ITGAM: variants seen among roughly 807,000 people sequenced by gnomAD.
ITGAM encodes the protein integrin alpha-M.
A neutral mutation model predicts 137.5 loss-of-function variants in ITGAM; 79 were observed. That is an observed-to-expected ratio of 0.57 (90% CI 0.48 to 0.69). The LOEUF (loss-of-function observed/expected upper bound fraction) is 0.69. Among genes scored for constraint, ITGAM ranks in the 30% least tolerant of loss-of-function variants. ITGAM has a pLI of 0.00. For missense variants in ITGAM, 1,343 were observed against 1,483.5 expected (o/e 0.91, Z 1.56); for synonymous variants, 583 against 592.3 (o/e 0.98, Z 0.23).
intron 2 of ITGAM, among the ~76,000 whole-genome samples, chr16:31,262,330 C>CCCTT (rs1275045684): frequency 6.7e-5 from 8 of 118,764 alleles, no homozygotes; most frequent in African/African-American, 1.0e-4. Flanking sequence ...TCCCTTCCCT[C>CCCTT]CCTTCCATCC....
chr16:31,329,911 C>G lies in ITGAM; in HGVS notation c.2976+6C>G. On this transcript the variant is annotated splice_donor_region_variant and intron_variant, in intron 25 of 29. Coordinates refer to ENST00000544665, the MANE Select transcript of ITGAM (RefSeq NM_000632.4). ...CCCAGGTCACCTTCTCCGAGGTGAG[C>G]GGAGCTCGGCCTGACTCCTGCACGG... 3 of 1,556,910 alleles carry G rather than the reference C, an allele frequency of 1.9e-6. No individual in the cohort carries two copies. Among genetic ancestry groups the G allele is most frequent in the Non-Finnish European group, 2.6e-6 (3 of 1,149,816 alleles).
chr16:31,296,130 A>G (rs777350193), intron 12 of ITGAM, among the ~76,000 whole-genome samples: 19 of 142,770 alleles, frequency 1.3e-4, no homozygotes, highest in Non-Finnish European at 1.8e-4. Context: ...TTTTTAACAG[A>G]GTCTCTCTGT....
chr16:31,291,524 A>G (rs2080086976), intron 12 of ITGAM, among the ~76,000 whole-genome samples: 1 of 152,084 alleles, frequency 6.6e-6, no homozygotes, highest in East Asian at 1.9e-4. Context: ...TTTTCGATAA[A>G]AGCCCTTTTA....
At chr16:31,304,617 T>C (rs539548593) in intron 14 of ITGAM, among the ~76,000 whole-genome samples, 4 of 152,296 alleles carry the variant, frequency 2.6e-5, no homozygotes, top group African/African-American at 9.6e-5. Context: ...CTTTGATCCA[T>C]CTTGAGTTGA....
intron 12 of ITGAM, among the ~76,000 whole-genome samples, chr16:31,296,154 G>T (rs2080131091): frequency 6.7e-6 from 1 of 149,342 alleles, no homozygotes; most frequent in Non-Finnish European, 1.5e-5. Flanking sequence ...GCCCAGGCTG[G>T]AGTGCAGTGG....
chr16:31,268,807 CTGGATTCTGCCAGAATCCT>C (rs934132983), intron 5 of ITGAM, among the ~76,000 whole-genome samples: 7 of 152,144 alleles, frequency 4.6e-5, no homozygotes, highest in African/African-American at 1.7e-4. Flanking sequence ...AACGGCATTC[CTGGATTCTGCCAGAATCCT>C]TTTGAGGCCC....
At chr16:31,284,957 A>G (rs370282377) in intron 12 of ITGAM, among the ~76,000 whole-genome samples, 2 of 152,196 alleles carry the variant, frequency 1.3e-5, no homozygotes, top group African/African-American at 4.8e-5. Context: ...AAAACCCCTC[A>G]GACACCGAGT....
chr16:31,321,232 T>C lies in ITGAM; in HGVS notation c.1708-9T>C, dbSNP rs1235578329. 2 of 1,613,732 alleles carry C rather than the reference T, an allele frequency of 1.2e-6. No individual in the cohort carries two copies. Among genetic ancestry groups the C allele is most frequent in the South Asian group, 1.1e-5 (1 of 91,072 alleles). Reference sequence around the variant, plus strand: ...CCTTTCTCTCTCCACACCTCTTTTTTACCCTCAGCGGATAGCAGGCTCCAA... The same window carrying C: ...CCTTTCTCTCTCCACACCTCTTTTTCACCCTCAGCGGATAGCAGGCTCCAA... On this transcript the variant is annotated splice_polypyrimidine_tract_variant and intron_variant, in intron 14 of 29. Coordinates refer to ENST00000544665, the MANE Select transcript of ITGAM (RefSeq NM_000632.4).
chr16:31,287,120 A>G (rs541478247), intron 12 of ITGAM, among the ~76,000 whole-genome samples: 2 of 151,998 alleles, frequency 1.3e-5, no homozygotes, highest in East Asian at 3.9e-4. Flanking sequence ...TTATCTCCAC[A>G]CTCTTTATTG....
intron 19 of ITGAM, 51 bp downstream of exon 19, chr16:31,325,082 C>A: frequency 1.3e-6 from 2 of 1,539,284 alleles, no homozygotes; most frequent in Non-Finnish European, 1.8e-6. Context: ...CGTACCATGA[C>A]CCGCTCTTTT....
chr16:31,330,299 G>C lies in ITGAM; in HGVS notation c.3061-9G>C. The C allele has an allele frequency of 1.2e-6, 2 of 1,611,006 alleles. No individual in the cohort carries two copies. The highest frequency in any genetic ancestry group is 8.5e-7 in the Non-Finnish European group (1 of 1,177,236). ...CCTTACCCGTCCCCTCCCCTCCTGC[G>C]TTCCCCAGAACTGCTCCATCGCTGT... On this transcript the variant is annotated splice_polypyrimidine_tract_variant and intron_variant, in intron 26 of 29. Coordinates refer to ENST00000544665, the MANE Select transcript of ITGAM (RefSeq NM_000632.4).
chr16:31,265,567 C>T, intron 3 of ITGAM, 69 bp downstream of exon 3: 1 of 1,060,546 alleles, frequency 9.4e-7, no homozygotes. Flanking sequence ...TCCAGGCACT[C>T]CTGTGTCCTG....
In ITGAM at chr16:31,310,555, T is replaced by G. The variant is rs376534949; in HGVS notation, c.1708-10686T>G. Among the ~76,000 whole-genome samples the G allele has an allele frequency of 2.0e-4, 31 of 152,188 alleles. 1 individual carries two copies. In the East Asian group the frequency reaches 3.9e-3, roughly 19 times the overall value. On this transcript the variant is annotated intron_variant, in intron 14 of 29. Transcript: ENST00000544665. ...TGGTTTTCAGCTCCATCAGGTCCTT[T>G]AAGGACTTCTCCGCATTGATTATTC...
chr16:31,308,615 C>G (rs62051478), intron 14 of ITGAM, among the ~76,000 whole-genome samples: 1 of 130,112 alleles, frequency 7.7e-6, no homozygotes, highest in Non-Finnish European at 1.7e-5. Flanking sequence ...CCTGGATTCA[C>G]TAATTTTTTG....
At position 31,265,480 on chromosome 16, in the gene ITGAM, G is replaced by A. The variant is rs1178750357; in HGVS notation, c.220G>A (p.Glu74Lys). 4.4e-6 allele frequency: 7 copies of A among 1,600,318 alleles called. No individual in the cohort carries two copies. Among genetic ancestry groups the A allele is most frequent in the African/African-American group, 2.7e-5 (2 of 74,536 alleles). Residue 74 changes from glutamate (E) to lysine (K), a missense_variant, in exon 3 of 30, where the codon GAG (glutamate) becomes AAG (lysine). Coordinates refer to ENST00000544665, the MANE Select transcript of ITGAM (RefSeq NM_000632.4). ...YQCDYSTGSC[E>K]PIRLQVPVEA... is the part of the protein sequence containing the mutation. ...GTGCGACTACAGCACAGGCTCATGC[G>A]AGCCCATCCGCCTGCAGGGTGAGTC...
At chr16:31,278,469 C>G (rs1240240457) in intron 12 of ITGAM, among the ~76,000 whole-genome samples, 2 of 152,114 alleles carry the variant, frequency 1.3e-5, no homozygotes, top group Non-Finnish European at 2.9e-5. Context: ...TGGTGCTTCC[C>G]CAGTCTCTGT....
At chr16:31,263,062 C>T (rs2079723402) in intron 2 of ITGAM, among the ~76,000 whole-genome samples, 1 of 152,160 alleles carries the variant, frequency 6.6e-6, no homozygotes, top group East Asian at 1.9e-4. Flanking sequence ...CTGCCTCAGC[C>T]TCCTGAGTAG....
chr16:31,315,283 T>C (rs2080379049), intron 14 of ITGAM, among the ~76,000 whole-genome samples: 1 of 152,194 alleles, frequency 6.6e-6, no homozygotes, highest in African/African-American at 2.4e-5. Context: ...GCTTTTTAGT[T>C]TGATGCAATT....
At chr16:31,263,717 T>C (rs551935596) in intron 2 of ITGAM, among the ~76,000 whole-genome samples, 1 of 150,962 alleles carries the variant, frequency 6.6e-6, no homozygotes, top group Middle Eastern at 3.4e-3. Flanking sequence ...CTGAGGAAAG[T>C]AGTCTGGGGT....
Sources: gnomAD v4.1 joint callset for allele counts (sites outside exome capture counted in the v4.1 genomes callset) on GRCh38, gnomAD v4.1.1 for gene constraint, MANE v1.5 for transcripts, NCBI Gene and HGNC (gene_info 2026-07-23, HGNC 2026-07-21) for gene names.